ROBO2: variants seen among roughly 807,000 people sequenced by gnomAD.
ROBO2 encodes roundabout homolog 2.
Under a neutral mutation model 160.8 loss-of-function variants are expected in ROBO2, and 53 were observed. The ratio of observed to expected loss-of-function variants is 0.33; its 90% CI spans 0.26 to 0.41. The LOEUF is 0.41. Among genes scored for constraint, ROBO2 ranks in the 10% least tolerant of loss-of-function variants. The pLI, the probability that ROBO2 is intolerant of heterozygous loss-of-function variation, is 1.00. For synonymous variants in ROBO2, 664 were observed against 611.7 expected, an observed-to-expected ratio of 1.09 and a Z score of -1.26; for missense variants, 1,577 against 1,722.4, an observed-to-expected ratio of 0.92 and a Z score of 1.49.
rs191139316 is a variant in ROBO2 at position 76,375,546 on chromosome 3, A to G, written c.109+437944A>G. 3.9e-5 allele frequency among the ~76,000 whole-genome samples: 6 copies of G among 152,146 alleles called. No homozygotes were observed. In the East Asian group the frequency reaches 5.8e-4, roughly 15 times the overall value. ...ATACTGCCTGGAAAAGAAAGCCTAC[A>G]GCTAAGTTGTTGATGAAATATGAAG... On this transcript the variant is annotated intron_variant, in intron 2 of 26. Coordinates refer to the ROBO2 transcript ENST00000487694.
At chr3:77,073,488 A>C (rs989646765) in intron 1 of ROBO2, among the ~76,000 whole-genome samples, 9 of 152,240 alleles carry the variant, frequency 5.9e-5, no homozygotes, top group African/African-American at 2.2e-4. Flanking sequence ...CAGAAAACAA[A>C]GATCAATGGG....
intron 2 of ROBO2, among the ~76,000 whole-genome samples, chr3:76,002,956 A>G (rs1285991991): frequency 1.3e-5 from 2 of 152,152 alleles, no homozygotes; most frequent in Non-Finnish European, 2.9e-5. Context: ...ACAGATACAA[A>G]TCATAAACAG....
intron 2 of ROBO2, among the ~76,000 whole-genome samples, chr3:76,218,797 G>A (rs1350399107): frequency 2.0e-5 from 3 of 152,096 alleles, no homozygotes; most frequent in Non-Finnish European, 4.4e-5. Flanking sequence ...TTTCTTCACA[G>A]AATTGGAAAA....
At chr3:76,873,531 T>C (rs2072346527) in intron 2 of ROBO2, among the ~76,000 whole-genome samples, 2 of 152,164 alleles carry the variant, frequency 1.3e-5, no homozygotes, top group Non-Finnish European at 2.9e-5. Context: ...GTACTGCCAG[T>C]TGCATTTCTT....
At chr3:77,210,593 AT>A (rs377598463) in intron 2 of ROBO2, among the ~76,000 whole-genome samples, 1 of 143,444 alleles carries the variant, frequency 7.0e-6, no homozygotes, top group Non-Finnish European at 1.6e-5. Context: ...CTCACAAATA[AT>A]TTTTTTATTA....
intron 2 of ROBO2, among the ~76,000 whole-genome samples, chr3:76,557,604 CT>C (rs58555009): frequency 0.38 from 49,011 of 130,260 alleles, 8,161 homozygotes; most frequent in East Asian, 0.46. Context: ...TAAAGGGTGC[CT>C]TTTTTTTTTT....
rs376379630 is a variant in ROBO2 at position 77,245,099 on chromosome 3, A to G, written c.388+146759A>G. 2.8e-4 allele frequency among the ~76,000 whole-genome samples: 43 copies of G among 152,304 alleles called. No homozygotes were observed. In the South Asian group the frequency reaches 8.5e-3, roughly 30 times the overall value. On this transcript the variant is annotated intron_variant, in intron 2 of 25. Transcript: ENST00000461745. The stretch of plus-strand genomic sequence containing the variant: ...CAAGTTTTGTGCATGCTGCATTTTA[A>G]CAAGTTGGGTGTCTCATTGGAATGC...
At chr3:75,983,643 T>C (rs2107464171) in intron 2 of ROBO2, among the ~76,000 whole-genome samples, 1 of 151,502 alleles carries the variant, frequency 6.6e-6, no homozygotes, top group East Asian at 1.9e-4. Context: ...TGAATATTGG[T>C]TGTTTCCTTG....
At position 76,938,971 on chromosome 3, in the gene ROBO2, C is replaced by CAAAAAAAAA. The variant is rs71629626; in HGVS notation, c.110-159026_110-159018dup. Among the ~76,000 whole-genome samples the CAAAAAAAAA allele has an allele frequency of 1.7e-3, 190 of 114,548 alleles. 2 individuals carry two copies. The highest frequency in any genetic ancestry group is 5.8e-3 in the African/African-American group (185 of 31,804). The allele number at this position is 114,548 out of a possible 152,430, so 75.1% of individuals were successfully genotyped here. On this transcript the variant is annotated intron_variant, in intron 2 of 26. Coordinates refer to the ROBO2 transcript ENST00000487694. ...GGGCGACAAGAGCAAAACTCAGTCTCAAAAAAAAAAAAAAAAAAAAAAAAA... is the reference window on the plus strand; with the variant it reads ...GGGCGACAAGAGCAAAACTCAGTCTCAAAAAAAAAAAAAAAAAAAAAAAAAAAAAAAAAA...
intron 2 of ROBO2, among the ~76,000 whole-genome samples, chr3:77,351,711 C>T (rs1297911038): frequency 6.6e-6 from 1 of 152,082 alleles, no homozygotes; most frequent in South Asian, 2.1e-4. Flanking sequence ...TAACCAGGTT[C>T]TCTAATCAGC....
chr3:77,573,212 A>C (rs1290160614), intron 13 of ROBO2, among the ~76,000 whole-genome samples: 2 of 152,008 alleles, frequency 1.3e-5, no homozygotes, highest in African/African-American at 4.8e-5. Context: ...AAACATGACA[A>C]AGTATTAAAA....
intron 4 of ROBO2, among the ~76,000 whole-genome samples, chr3:77,481,992 C>A (rs987198506): frequency 1.1e-4 from 17 of 151,994 alleles, no homozygotes; most frequent in Non-Finnish European, 4.4e-5. Context: ...TAAAGATACT[C>A]AAAAATGAAA....
chr3:76,188,908 G>T (rs992372543), intron 2 of ROBO2, among the ~76,000 whole-genome samples: 1 of 152,076 alleles, frequency 6.6e-6, no homozygotes, highest in Non-Finnish European at 1.5e-5. Flanking sequence ...AAAAGGAATA[G>T]CTCAGTAAAA....
At chr3:77,503,626 G>T (rs2087996733) in intron 5 of ROBO2, among the ~76,000 whole-genome samples, 1 of 151,814 alleles carries the variant, frequency 6.6e-6, no homozygotes, top group African/African-American at 2.4e-5. Flanking sequence ...GGTACTAAGA[G>T]TATGATTTTT....
intron 2 of ROBO2, among the ~76,000 whole-genome samples, chr3:76,338,595 G>C (rs1214425764): frequency 6.6e-6 from 1 of 151,852 alleles, no homozygotes; most frequent in Non-Finnish European, 1.5e-5. Context: ...AGGATCATTT[G>C]AGCCCAGGAG....
At chr3:77,022,247 G>T (rs555339269) in intron 2 of ROBO2, among the ~76,000 whole-genome samples, 2 of 152,292 alleles carry the variant, frequency 1.3e-5, no homozygotes, top group East Asian at 3.9e-4. Flanking sequence ...ACAAACGCCT[G>T]TAATCCCAGC....
chr3:76,052,201 A>G (rs73842907), intron 2 of ROBO2, among the ~76,000 whole-genome samples: 3,126 of 152,184 alleles, frequency 0.021, 44 homozygotes, highest in East Asian at 0.081. Context: ...AGGAAAGGAC[A>G]GGATGTCTTC....
At chr3:76,434,333 C>CA (rs201488432) in intron 2 of ROBO2, 26,030 of 1,220,370 alleles carry the variant, frequency 0.021, 822 homozygotes, top group South Asian at 0.095. Flanking sequence ...CAGAGCAGAT[C>CA]AAGAAGTGAT....
At position 76,264,931 on chromosome 3, in the gene ROBO2, A is replaced by G. The variant is rs191669025; in HGVS notation, c.109+327329A>G. Reference sequence around the variant, plus strand: ...ATGATACTTAATGTCTTCTCTATATACTTTCCTCCCCATGCAGTTTTTTTC... The same window carrying G: ...ATGATACTTAATGTCTTCTCTATATGCTTTCCTCCCCATGCAGTTTTTTTC... On this transcript the variant is annotated intron_variant, in intron 2 of 26. Transcript: ENST00000487694. Among the ~76,000 whole-genome samples the G allele has an allele frequency of 8.5e-5, 13 of 152,272 alleles. No homozygotes were observed. The East Asian group carries it at 1.2e-3, about 14-fold the overall frequency.
Sources: allele counts gnomAD v4.1 joint callset (sites outside exome capture counted in the v4.1 genomes callset), GRCh38; gene constraint gnomAD v4.1.1; transcripts MANE v1.5; gene names NCBI Gene and HGNC (gene_info 2026-07-23, HGNC 2026-07-21).